Variants in MEGF11 observed in about 807,000 individuals in gnomAD.
MEGF11 encodes multiple EGF like domains 11.
In MEGF11, 126 loss-of-function variants were observed where a neutral mutation model predicts 146.6. That is an observed-to-expected ratio of 0.86 (90% CI 0.74 to 1.00). The LOEUF (loss-of-function observed/expected upper bound fraction) is 1.00, where lower values mean the gene tolerates loss of function less well. Among genes scored for constraint, MEGF11 ranks in the 50% least tolerant of loss-of-function variants. MEGF11 has a pLI of 0.00. For synonymous variants in MEGF11, 532 were observed against 583.4 expected, an observed-to-expected ratio of 0.91 and a Z score of 1.27; for missense variants, 1,509 against 1,521.2, an observed-to-expected ratio of 0.99 and a Z score of 0.13.
intron 5 of MEGF11, among the ~76,000 whole-genome samples, chr15:66,037,763 C>T (rs1422184641): frequency 2.6e-5 from 4 of 152,222 alleles, no homozygotes; most frequent in Non-Finnish European, 5.9e-5. Flanking sequence ...AAGTCATCTT[C>T]CTCCTCAGAT....
At chr15:65,957,318 C>T (rs2080685860) in intron 10 of MEGF11, among the ~76,000 whole-genome samples, 1 of 152,146 alleles carries the variant, frequency 6.6e-6, no homozygotes, top group Non-Finnish European at 1.5e-5. Flanking sequence ...AGGAAGGCAA[C>T]CTTCAGAGTT....
At chr15:66,081,251 T>C (rs1597063093) in intron 5 of MEGF11, among the ~76,000 whole-genome samples, 1 of 152,122 alleles carries the variant, frequency 6.6e-6, no homozygotes, top group African/African-American at 2.4e-5. Flanking sequence ...AGGGGAGACA[T>C]CCTCCATCAG....
rs200466707 is a variant in MEGF11, at chr15:66,082,466, AATCTATCTATCT to A, written c.394+11924_394+11935del. ...AAAAAAAAAAAAAAAAAAAAAAAAA[AATCTATCTATCT>A]ATCTATCTATCTATCTATCTATCTA... On this transcript the variant is annotated intron_variant, in intron 5 of 25. Coordinates refer to ENST00000395614, the MANE Select transcript of MEGF11 (RefSeq NM_001385028.1). Among the ~76,000 whole-genome samples the A allele has an allele frequency of 7.5e-3, 542 of 72,618 alleles. 7 individuals are homozygous for A. Among genetic ancestry groups the A allele is most frequent in the African/African-American group, 0.026 (432 of 16,310 alleles). 47.6% of individuals were successfully genotyped at this position (72,618 alleles called of 152,430 possible).
intron 5 of MEGF11, among the ~76,000 whole-genome samples, chr15:66,034,864 C>G (rs768236127): frequency 2.6e-5 from 4 of 152,128 alleles, no homozygotes; most frequent in Non-Finnish European, 5.9e-5. Flanking sequence ...GAATTCATGT[C>G]ACTGTTACAG....
At chr15:66,248,698 A>G (rs1290789322) in intron 1 of MEGF11, among the ~76,000 whole-genome samples, 1 of 152,232 alleles carries the variant, frequency 6.6e-6, no homozygotes, top group Non-Finnish European at 1.5e-5. Flanking sequence ...GATCAAACTA[A>G]AAGCAAGGTA....
At chr15:65,918,840 T>G (rs778990202) in intron 15 of MEGF11, among the ~76,000 whole-genome samples, 1 of 152,206 alleles carries the variant, frequency 6.6e-6, no homozygotes, top group Non-Finnish European at 1.5e-5. Flanking sequence ...GAGTATTCAT[T>G]GAGTATTTAA....
chr15:66,140,120 C>G (rs1158433454), intron 1 of MEGF11, among the ~76,000 whole-genome samples: 1 of 152,172 alleles, frequency 6.6e-6, no homozygotes, highest in African/African-American at 2.4e-5. Context: ...CTTCTGATAA[C>G]TTATTCAGCT....
chr15:65,991,252 G>A (rs1049831625), intron 5 of MEGF11, among the ~76,000 whole-genome samples: 2 of 152,140 alleles, frequency 1.3e-5, no homozygotes, highest in Non-Finnish European at 2.9e-5. Flanking sequence ...CCCTAACCCC[G>A]AGAGCTTACC....
At chr15:65,911,504 T>G (rs566445282) in intron 21 of MEGF11, among the ~76,000 whole-genome samples, 26 of 152,276 alleles carry the variant, frequency 1.7e-4, no homozygotes, top group African/African-American at 5.1e-4. Context: ...CTCCACCTCC[T>G]GGGTTCAAGC....
At chr15:66,250,952 T>C (rs899690130) in intron 1 of MEGF11, among the ~76,000 whole-genome samples, 1 of 149,620 alleles carries the variant, frequency 6.7e-6, no homozygotes, top group African/African-American at 2.5e-5. Flanking sequence ...ATAATGAGAA[T>C]GATTGAAACC....
At chr15:66,106,044 C>T (rs946929079) in intron 4 of MEGF11, among the ~76,000 whole-genome samples, 16 of 152,168 alleles carry the variant, frequency 1.1e-4, no homozygotes, top group Non-Finnish European at 1.8e-4. Flanking sequence ...TCCAGGTCTG[C>T]GTCCATTGTG....
intron 5 of MEGF11, among the ~76,000 whole-genome samples, chr15:66,021,711 TG>T (rs571053131): frequency 7.3e-4 from 111 of 152,298 alleles, no homozygotes; most frequent in Non-Finnish European, 3.8e-4. Flanking sequence ...CCTTCCATGC[TG>T]GTTTGGCAAA....
chr15:65,940,999 CTT>C (rs2141372171), intron 10 of MEGF11, among the ~76,000 whole-genome samples: 3 of 152,326 alleles, frequency 2.0e-5, no homozygotes, highest in Admixed American at 2.0e-4. Flanking sequence ...AGTAGAATGT[CTT>C]GAGAAAGGGG....
At chr15:66,108,642 C>T (rs1042579318) in intron 4 of MEGF11, among the ~76,000 whole-genome samples, 18 of 152,086 alleles carry the variant, frequency 1.2e-4, no homozygotes, top group African/African-American at 3.1e-4. Flanking sequence ...AAGAGCATTC[C>T]GGGCAGAGGG....
At chr15:66,195,059 G>T (rs2090976599) in intron 1 of MEGF11, among the ~76,000 whole-genome samples, 2 of 151,908 alleles carry the variant, frequency 1.3e-5, no homozygotes, top group Admixed American at 6.6e-5. Flanking sequence ...CACAGTTCTG[G>T]AGGCTAGAAG....
Position 65,957,081 on chromosome 15 carries a change from C to T in MEGF11, c.1287+466G>A, listed in dbSNP as rs2080671924. Among the ~76,000 whole-genome samples the T allele has an allele frequency of 3.3e-5, 5 of 152,190 alleles. No individual in the cohort carries two copies. In the South Asian group the frequency reaches 1.0e-3, roughly 32 times the overall value. ...TGCTCACTGCAACATTCACTGTTAA[C>T]ACTGGAAACAATATTCAGCAGTAAG... On this transcript the variant is annotated intron_variant, in intron 10 of 25. Transcript: ENST00000395614.
intron 5 of MEGF11, among the ~76,000 whole-genome samples, chr15:65,989,846 A>G (rs2081976291): frequency 6.6e-6 from 1 of 152,150 alleles, no homozygotes; most frequent in African/African-American, 2.4e-5. Context: ...TGGAAATGGG[A>G]GGGGGGAATT....
chr15:66,001,604 C>A (rs756087991), intron 5 of MEGF11, among the ~76,000 whole-genome samples: 1 of 151,156 alleles, frequency 6.6e-6, no homozygotes, highest in Non-Finnish European at 1.5e-5. Context: ...GGTGGCCTCA[C>A]TCTCATTTTC....
intron 1 of MEGF11, among the ~76,000 whole-genome samples, chr15:66,180,225 G>A (rs1214202368): frequency 3.9e-5 from 6 of 152,250 alleles, no homozygotes; most frequent in African/African-American, 1.4e-4. Context: ...CAGAGAGAAT[G>A]TGAAGGAGCT....
Sources: gnomAD v4.1 joint callset for allele counts (sites outside exome capture counted in the v4.1 genomes callset) on GRCh38, gnomAD v4.1.1 for gene constraint, MANE v1.5 for transcripts, NCBI Gene and HGNC (gene_info 2026-07-23, HGNC 2026-07-21) for gene names.